Variants in LAP3 observed in about 807,000 individuals in gnomAD.
The protein encoded by LAP3 is leucine aminopeptidase 3.
LAP3 carries 46 observed loss-of-function variants against 58.8 expected under a neutral mutation model. That is an observed-to-expected ratio of 0.78 (90% CI 0.62 to 1.00). LAP3 has a LOEUF of 1.00. Ranked by LOEUF, LAP3 falls within the 50% of genes least tolerant of loss-of-function variation. The pLI is 0.00. For synonymous variants in LAP3, 257 were observed against 237.7 expected (o/e 1.08, Z -0.75); for missense variants, 615 against 659.1 (o/e 0.93, Z 0.73).
chr4:17,597,187 G>A (rs756315033), intron 9 of LAP3, 53 bp downstream of exon 9: 134 of 1,463,152 alleles, frequency 9.2e-5, no homozygotes, highest in African/African-American at 1.9e-4. Flanking sequence ...CAGGAATCCC[G>A]TGGTGGCCAC....
Position 17,606,829 on chromosome 4 carries a change from G to C in LAP3, c.1261G>C (p.Ala421Pro). The change falls in exon 12 of 13, where the codon GCC (alanine) becomes CCC (proline). Residue 421 changes from alanine to proline, a missense_variant and splice_region_variant. Physicochemically the swap from Ala to Pro is conservative, Grantham distance 27. Transcript: ENST00000226299. ...SSWLWNKLFE[A>P]SIETGDRVWR... ...TCCACCTGTCATACCTGTTCTCTAG[G>C]CCAGCATTGAAACAGGGGACCGTGT... 4 of 1,608,290 alleles carry C rather than the reference G, an allele frequency of 2.5e-6. No homozygotes were observed. The highest frequency in any genetic ancestry group is 3.4e-6 in the Non-Finnish European group (4 of 1,177,336).
Position 17,607,513 on chromosome 4 carries a change from T to C in LAP3, c.1484T>C (p.Leu495Pro). Residue 495 changes from leucine to proline, a missense_variant, in exon 13 of 13, where the codon CTA becomes CCA. Leu to Pro is a moderately conservative substitution (Grantham distance 98). Transcript: ENST00000226299. ...ACCAACAAAGATGAAGTTCCCTATC[T>C]ACGGAAAGGCATGACTGGGAGGCCC... is the stretch of plus-strand genomic sequence containing the variant. The part of the protein sequence containing the change: ...VMTNKDEVPY[L>P]RKGMTGRPTR... 1 of 1,614,140 alleles carries C rather than the reference T, an allele frequency of 6.2e-7. No individual in the cohort carries two copies. The highest frequency in any genetic ancestry group is 8.5e-7 in the Non-Finnish European group (1 of 1,180,018).
intron 3 of LAP3, 72 bp from the exon 4 acceptor site, chr4:17,582,216 A>G: frequency 1.6e-6 from 2 of 1,221,470 alleles, no homozygotes; most frequent in African/African-American, 1.5e-5. Context: ...GAGTCTCCAC[A>G]TGTAGAATTC....
At chr4:17,585,303 C>A in intron 6 of LAP3, 167 bp downstream of exon 6, 1 of 559,518 alleles carries the variant, frequency 1.8e-6, no homozygotes, top group South Asian at 2.2e-5. Flanking sequence ...GTTTGAGGTT[C>A]TTTCTATCTT....
intron 10 of LAP3, among the ~76,000 whole-genome samples, chr4:17,602,186 T>C (rs557135885): frequency 6.6e-6 from 1 of 152,340 alleles, no homozygotes; most frequent in Admixed American, 6.5e-5. Flanking sequence ...GTCCTGATAC[T>C]GAAGGATAGT....
chr4:17,595,357 A>C, intron 7 of LAP3, 53 bp from the exon 8 acceptor site: 4 of 1,595,764 alleles, frequency 2.5e-6, no homozygotes, highest in Non-Finnish European at 3.4e-6. Flanking sequence ...AAATAAAGTG[A>C]TTTTGGCCAT....
intron 10 of LAP3, among the ~76,000 whole-genome samples, chr4:17,601,822 C>G (rs1713987531): frequency 6.6e-6 from 1 of 152,114 alleles, no homozygotes; most frequent in Non-Finnish European, 1.5e-5. Flanking sequence ...AGTACTGATG[C>G]AGCCATCTCC....
At position 17,595,393 on chromosome 4, in the gene LAP3, T is replaced by A. The variant is rs1487575957; in HGVS notation, c.864-17T>A. The stretch of plus-strand genomic sequence containing the variant: ...CTTCTTTGCTCTTAATATTGCACGT[T>A]GTCCATTTCCCCATAGTGGTGGTAT... On this transcript the variant is annotated splice_polypyrimidine_tract_variant and intron_variant, in intron 7 of 12. Coordinates refer to ENST00000226299, the MANE Select transcript of LAP3 (RefSeq NM_015907.3). 1.2e-6 allele frequency: 2 copies of A among 1,612,548 alleles called. No individual in the cohort carries two copies. Among genetic ancestry groups the A allele is most frequent in the Non-Finnish European group, 1.7e-6 (2 of 1,179,102 alleles).
At chr4:17,587,292 G>A (rs1037691148) in intron 6 of LAP3, among the ~76,000 whole-genome samples, 2 of 152,174 alleles carry the variant, frequency 1.3e-5, no homozygotes, top group African/African-American at 4.8e-5. Context: ...ACATAGCCGC[G>A]CTAAGCACTC....
chr4:17,598,634 T>A, intron 10 of LAP3, 76 bp downstream of exon 10: 1 of 1,074,678 alleles, frequency 9.3e-7, no homozygotes. Context: ...ACTATACTTG[T>A]GGCATTATTT....
chr4:17,587,164 A>C (rs1277328677), intron 6 of LAP3, among the ~76,000 whole-genome samples: 1 of 152,186 alleles, frequency 6.6e-6, no homozygotes, highest in Non-Finnish European at 1.5e-5. Context: ...ACAGTACAAG[A>C]GAGTGGGGCA....
chr4:17,599,618 G>A (rs1469785049), intron 10 of LAP3, among the ~76,000 whole-genome samples: 1 of 151,990 alleles, frequency 6.6e-6, no homozygotes, highest in African/African-American at 2.4e-5. Flanking sequence ...GAAAAGATTA[G>A]TGATAAATCC....
rs1193443352 is a variant in LAP3, at chr4:17,582,406, T to C, written c.379+13T>C. On this transcript the variant is annotated intron_variant, in intron 4 of 12. Coordinates refer to ENST00000226299, the MANE Select transcript of LAP3 (RefSeq NM_015907.3). ...GCTGCTGTTGCAGGTTATTTCACTT[T>C]TTAAGTTTAAAGAATCCTGAGGATC... 2 of 1,596,664 alleles carry C rather than the reference T, an allele frequency of 1.3e-6. No individual in the cohort carries two copies. The highest frequency in any genetic ancestry group is 1.7e-5 in the Admixed American group (1 of 58,016).
intron 7 of LAP3, among the ~76,000 whole-genome samples, chr4:17,592,559 C>G (rs905514854): frequency 4.6e-5 from 7 of 152,202 alleles, no homozygotes; most frequent in Non-Finnish European, 5.9e-5. Context: ...TTTCCTTACT[C>G]TTGCGTAAAT....
In LAP3 at chr4:17,604,438, G is replaced by A. The variant is rs190807396; in HGVS notation, c.1181-150G>A. 19 of 553,084 alleles carry A rather than the reference G, an allele frequency of 3.4e-5. No homozygotes were observed. In the African/African-American group the frequency reaches 3.6e-4, roughly 10 times the overall value. The allele number at this position is 553,084 out of a possible 1,614,324, so 34.3% of individuals were successfully genotyped here. A position where few individuals can be genotyped will look rare whatever the true frequency, so the allele number is the denominator to read the frequency against. On this transcript the variant is annotated intron_variant, in intron 10 of 12. Coordinates refer to ENST00000226299, the MANE Select transcript of LAP3 (RefSeq NM_015907.3). ...CCTGAAAAACATAAAAATATGTTAA[G>A]TATGTACAGGAAAGATTTCCTAAGC...
At position 17,602,974 on chromosome 4, in the gene LAP3, G is replaced by A. The variant is rs190092606; in HGVS notation, c.1181-1614G>A. ...TGGGATTACAGGTGTGAGCCACCGC[G>A]CCCAGCCAAAGAGGAATAGGATAAA... On this transcript the variant is annotated intron_variant, in intron 10 of 12. Transcript: ENST00000226299. 3.4e-3 allele frequency among the ~76,000 whole-genome samples: 507 copies of A among 151,170 alleles called. 2 individuals carry two copies. The highest frequency in any genetic ancestry group is 2.8e-3 in the Non-Finnish European group (187 of 67,760).
chr4:17,580,964 T>C (rs1713347294), intron 2 of LAP3, among the ~76,000 whole-genome samples: 1 of 152,234 alleles, frequency 6.6e-6, no homozygotes, highest in African/African-American at 2.4e-5. Context: ...GTATCTCCTC[T>C]CAATTTTTTA....
chr4:17,577,783 G>T (rs1233725904), intron 1 of LAP3, among the ~76,000 whole-genome samples: 1 of 152,234 alleles, frequency 6.6e-6, no homozygotes, highest in Non-Finnish European at 1.5e-5. Context: ...CGGGGCTAGG[G>T]GGTGATGGTT....
In LAP3 at chr4:17,577,345, C is replaced by T. The variant is rs1713222358; in HGVS notation, c.-121C>T. ...CCCCCTAGACGCACGTCCGCTCGCCCGGCGCCCGAGCCAGTCCGCGCGCAC... is the reference window on the plus strand; with the variant it reads ...CCCCCTAGACGCACGTCCGCTCGCCTGGCGCCCGAGCCAGTCCGCGCGCAC... On this transcript the variant is annotated 5_prime_UTR_variant, in exon 1 of 13. Coordinates refer to ENST00000226299, the MANE Select transcript of LAP3 (RefSeq NM_015907.3). 4 of 576,324 alleles carry T rather than the reference C, an allele frequency of 6.9e-6. No individual in the cohort carries two copies. The highest frequency in any genetic ancestry group is 1.1e-4 in the Admixed American group (2 of 18,156). The allele number at this position is 576,324 out of a possible 1,614,324, so 35.7% of individuals were successfully genotyped here. A position where few individuals can be genotyped will look rare whatever the true frequency, so the allele number is the denominator to read the frequency against.
Sources: allele counts gnomAD v4.1 joint callset (sites outside exome capture counted in the v4.1 genomes callset), GRCh38; gene constraint gnomAD v4.1.1; transcripts MANE v1.5; gene names NCBI Gene and HGNC (gene_info 2026-07-23, HGNC 2026-07-21).